Variants in SYCP1 observed in about 807,000 individuals in gnomAD.
SYCP1 encodes the protein cancer/testis antigen 8.
SYCP1 carries 64 observed loss-of-function variants against 153.1 expected under a neutral mutation model. That is an observed-to-expected ratio of 0.42 (90% CI 0.34 to 0.51). SYCP1 has a LOEUF of 0.51. SYCP1 is among the 20% of genes least tolerant of loss of function. The pLI is 0.06. For synonymous variants in SYCP1, 384 were observed against 341.8 expected, an observed-to-expected ratio of 1.12 and a Z score of -1.36; for missense variants, 997 against 1,049.0, an observed-to-expected ratio of 0.95 and a Z score of 0.68.
intron 23 of SYCP1, among the ~76,000 whole-genome samples, chr1:114,936,037 C>T (rs192027414): frequency 5.9e-4 from 90 of 152,284 alleles, no homozygotes; most frequent in Non-Finnish European, 2.8e-4. Flanking sequence ...AGGGAATCCT[C>T]CCTAACTCAT....
At chr1:114,910,181 A>G (rs1668085198) in intron 16 of SYCP1, 1 of 321,028 alleles carries the variant, frequency 3.1e-6, no homozygotes, top group Admixed American at 5.2e-5. Flanking sequence ...ATCTGTAACT[A>G]AACAATTAAT....
chr1:114,857,082 T>C (rs1359465897), intron 3 of SYCP1, 150 bp from the exon 4 acceptor site: 2 of 574,744 alleles, frequency 3.5e-6, no homozygotes, highest in East Asian at 3.0e-5. Flanking sequence ...CAGTGAGCCA[T>C]GATGGGTCAC....
At chr1:114,887,477 G>A (rs904394493) in intron 14 of SYCP1, 149 bp from the exon 15 acceptor site, 10 of 398,056 alleles carry the variant, frequency 2.5e-5, no homozygotes, top group Non-Finnish European at 4.6e-5. Context: ...TACACTATAT[G>A]GTGCAGAGTA....
chr1:114,991,079 T>C (rs573174090), intron 30 of SYCP1, among the ~76,000 whole-genome samples: 2 of 152,024 alleles, frequency 1.3e-5, no homozygotes, highest in South Asian at 4.1e-4. Context: ...TTATAAAATG[T>C]TTAGCAGATC....
chr1:114,994,681 T>C lies in SYCP1; in HGVS notation c.2704-17T>C. 1 of 1,536,892 alleles carries C rather than the reference T, an allele frequency of 6.5e-7. No homozygotes were observed. Among genetic ancestry groups the C allele is most frequent in the Non-Finnish European group, 8.7e-7 (1 of 1,148,184 alleles). On this transcript the variant is annotated splice_polypyrimidine_tract_variant and intron_variant, in intron 30 of 31. Coordinates refer to ENST00000369522, the MANE Select transcript of SYCP1 (RefSeq NM_003176.4). ...TGATGGTAAACCCAACATCATATTT[T>C]TTTATTTTTCTTCAAGAGCATGGTT... is the stretch of plus-strand genomic sequence containing the variant.
At chr1:114,929,742 G>A (rs759117748) in intron 23 of SYCP1, among the ~76,000 whole-genome samples, 12 of 151,950 alleles carry the variant, frequency 7.9e-5, no homozygotes, top group Non-Finnish European at 1.2e-4. Flanking sequence ...GATAAAATGA[G>A]CAATAGAAAA....
chr1:114,974,512 C>T (rs1288339130), intron 27 of SYCP1, among the ~76,000 whole-genome samples: 2 of 151,764 alleles, frequency 1.3e-5, no homozygotes, highest in African/African-American at 4.8e-5. Context: ...TTTCCTCTTC[C>T]TCCCAGTCCT....
At chr1:114,920,766 A>G (rs1365243887) in intron 20 of SYCP1, among the ~76,000 whole-genome samples, 2 of 152,076 alleles carry the variant, frequency 1.3e-5, no homozygotes, top group African/African-American at 4.8e-5. Flanking sequence ...TTGTATTGAA[A>G]TCCATAATGT....
intron 27 of SYCP1, among the ~76,000 whole-genome samples, chr1:114,957,688 C>T (rs1412369665): frequency 6.6e-6 from 1 of 152,178 alleles, no homozygotes; most frequent in Non-Finnish European, 1.5e-5. Flanking sequence ...ACATGCTCAA[C>T]ATCACTAATC....
At chr1:114,988,080 C>CAAAAAAAA (rs34553973) in intron 30 of SYCP1, among the ~76,000 whole-genome samples, 2 of 114,646 alleles carry the variant, frequency 1.7e-5, no homozygotes, top group Non-Finnish European at 3.4e-5. Context: ...TGATAAACGG[C>CAAAAAAAA]AAAAAAAAAA....
At chr1:114,892,751 C>T (rs1017935337) in intron 15 of SYCP1, among the ~76,000 whole-genome samples, 1 of 151,960 alleles carries the variant, frequency 6.6e-6, no homozygotes, top group Non-Finnish European at 1.5e-5. Context: ...GGGTTGCTGC[C>T]AGTGGGGTGC....
At chr1:114,899,954 T>C (rs1667316930) in intron 16 of SYCP1, among the ~76,000 whole-genome samples, 1 of 152,220 alleles carries the variant, frequency 6.6e-6, no homozygotes, top group African/African-American at 2.4e-5. Flanking sequence ...TTGAAAACAC[T>C]TAATGTTATG....
chr1:114,989,228 G>A (rs1673743903), intron 30 of SYCP1, among the ~76,000 whole-genome samples: 1 of 151,866 alleles, frequency 6.6e-6, no homozygotes, highest in South Asian at 2.1e-4. Context: ...ATGGAGCTGT[G>A]TAGGGGCAGA....
intron 30 of SYCP1, among the ~76,000 whole-genome samples, chr1:114,985,145 T>C (rs1021346848): frequency 6.6e-6 from 1 of 151,848 alleles, no homozygotes; most frequent in African/African-American, 2.4e-5. Context: ...TGTCTTGTTT[T>C]CTAGAAGAAT....
intron 12 of SYCP1, among the ~76,000 whole-genome samples, chr1:114,882,053 G>A (rs1665985356): frequency 6.6e-6 from 1 of 151,934 alleles, no homozygotes. Context: ...AGAAAAAAAC[G>A]TGGAAAAAAC....
chr1:114,954,207 T>C (rs904805362), intron 27 of SYCP1, among the ~76,000 whole-genome samples: 1 of 152,212 alleles, frequency 6.6e-6, no homozygotes, highest in African/African-American at 2.4e-5. Context: ...TTATCATTTT[T>C]TTGACGTGAG....
intron 16 of SYCP1, among the ~76,000 whole-genome samples, chr1:114,901,555 A>C (rs1667448982): frequency 6.6e-6 from 1 of 152,228 alleles, no homozygotes. Context: ...TCGCTAAGCT[A>C]GGATTGAACC....
chr1:114,958,347 T>C (rs571051203), intron 27 of SYCP1, among the ~76,000 whole-genome samples: 1 of 152,232 alleles, frequency 6.6e-6, no homozygotes, highest in African/African-American at 2.4e-5. Context: ...TACAATTAGA[T>C]AAAAGATATA....
At chr1:114,872,026 G>A (rs553195596) in intron 8 of SYCP1, among the ~76,000 whole-genome samples, 2 of 128,870 alleles carry the variant, frequency 1.6e-5, no homozygotes, top group Admixed American at 8.5e-5. Flanking sequence ...TTTTTTGGCA[G>A]AGATGGGGTC....
Sources: allele counts gnomAD v4.1 joint callset (sites outside exome capture counted in the v4.1 genomes callset), GRCh38; gene constraint gnomAD v4.1.1; transcripts MANE v1.5; gene names NCBI Gene and HGNC (gene_info 2026-07-23, HGNC 2026-07-21).